The following PLEC variants were observed in gnomAD, a reference collection of about 807,000 sequenced individuals.
The protein encoded by PLEC is plectin, also known as hemidesmosomal protein 1.
A neutral mutation model predicts 392.8 loss-of-function variants in PLEC; 216 were observed. That is an observed-to-expected ratio of 0.55 (90% CI 0.49 to 0.62). PLEC has a LOEUF of 0.62. Among genes scored for constraint, PLEC ranks in the 20% least tolerant of loss-of-function variants. The probability of loss-of-function intolerance (pLI) is 0.00; values close to 1 mark genes in which losing one functional copy is unlikely to be tolerated. For missense variants in PLEC, 6,863 were observed against 6,563.4 expected, an observed-to-expected ratio of 1.05 and a Z score of -1.58; for synonymous variants, 3,621 against 2,980.6, an observed-to-expected ratio of 1.21 and a Z score of -7.00.
At chr8:143,926,645 C>A (rs1160197570) in intron 30 of PLEC, 139 bp downstream of exon 30, 2 of 785,774 alleles carry the variant, frequency 2.5e-6, no homozygotes, top group East Asian at 2.5e-5. Context: ...GAGCTGGGGG[C>A]AGGGGGTGCT....
chr8:143,952,823 G>A (rs1344709420), upstream of PLEC, among the ~76,000 whole-genome samples: 2 of 152,090 alleles, frequency 1.3e-5, no homozygotes, highest in African/African-American at 4.8e-5. Context: ...GGGCAGGAAA[G>A]GGCGGTAGCT....
At position 143,916,119 on chromosome 8, in the gene PLEC, C is replaced by T. The variant is rs1395836481; in HGVS notation, c.*58G>A. The T allele has an allele frequency of 2.6e-5, 35 of 1,358,346 alleles. No individual in the cohort carries two copies. The highest frequency in any genetic ancestry group is 8.8e-5 in the South Asian group (6 of 67,890). 84.1% of individuals were successfully genotyped at this position (1,358,346 alleles called of 1,614,324 possible). On this transcript the variant is annotated 3_prime_UTR_variant, in exon 32 of 32. Transcript: ENST00000345136. ...ACCTTTAAGCGTTGAAAACGGCCCC[C>T]GCGCCTCGGTGGGAGCCGGGCTGGG...
intron 1 of PLEC, among the ~76,000 whole-genome samples, chr8:143,959,957 C>T (rs1216895537): frequency 2.7e-5 from 4 of 150,808 alleles, no homozygotes; most frequent in Admixed American, 1.3e-4. Flanking sequence ...CCAGCTTGGG[C>T]GACAGAGTGA....
intron 3 of PLEC, chr8:143,937,623 C>T: frequency 2.0e-6 from 1 of 503,220 alleles, no homozygotes; most frequent in Non-Finnish European, 3.8e-6. Context: ...CAGCTTGACA[C>T]CCAACCACCT....
chr8:143,940,766 A>AGG (rs2132394191), upstream of PLEC, among the ~76,000 whole-genome samples: 2 of 152,194 alleles, frequency 1.3e-5, no homozygotes, highest in South Asian at 4.2e-4. Flanking sequence ...GGGCACCAGA[A>AGG]CCCTCACAAT....
Position 143,921,022 on chromosome 8 carries a change from G to T in PLEC, c.8799C>A (p.Phe2933Leu). 1 of 1,613,056 alleles carries T rather than the reference G, an allele frequency of 6.2e-7. No individual in the cohort carries two copies. Among genetic ancestry groups the T allele is most frequent in the Non-Finnish European group, 8.5e-7 (1 of 1,180,034 alleles). ...TIWEIINSEY[F>L]TAEQRRDLLR... ...GCAGGTCCCGCCGCTGCTCTGCCGT[G>T]AAGTATTCCGAGTTGATGATCTCCC... The change falls in exon 32 of 32, where the codon TTC becomes TTA. Residue 2933 changes from phenylalanine (F) to leucine (L), a missense_variant. Phe to Leu is a conservative substitution (Grantham distance 22, BLOSUM62 0). Coordinates refer to ENST00000345136, the MANE Select transcript of PLEC (RefSeq NM_201384.3).
In PLEC at chr8:143,917,652, C is replaced by A; in HGVS notation, c.12169G>T (p.Glu4057Ter). ...IATGGIIDPE[E>*]SHRLPVEVAY... is the part of the protein sequence containing the mutation. ...ACCTCCACGGGCAGCCGGTGGCTCTCCTCAGGGTCGATGATGCCGCCCGTG... is the reference window on the plus strand; with the variant it reads ...ACCTCCACGGGCAGCCGGTGGCTCTACTCAGGGTCGATGATGCCGCCCGTG... Residue 4057 changes from glutamate (E) to a stop codon, truncating the protein, a stop_gained, in exon 32 of 32, where the codon GAG becomes TAG. Coordinates refer to ENST00000345136, the MANE Select transcript of PLEC (RefSeq NM_201384.3). LOFTEE classifies it high-confidence loss of function. 6.2e-7 allele frequency: 1 copy of A among 1,613,682 alleles called. No individual in the cohort carries two copies. Among genetic ancestry groups the A allele is most frequent in the Non-Finnish European group, 8.5e-7 (1 of 1,180,022 alleles).
chr8:143,973,381 G>A lies in PLEC; in HGVS notation c.70+22C>T. 1 of 1,559,068 alleles carries A rather than the reference G, an allele frequency of 6.4e-7. No individual in the cohort carries two copies. Among genetic ancestry groups the A allele is most frequent in the South Asian group, 1.2e-5 (1 of 84,948 alleles). ...TGGGCTGTCAGGAGCGGCCCGACAG[G>A]CAGCGGGACGGGGGGCCGTACCTTT... On this transcript the variant is annotated intron_variant, in intron 1 of 31. Transcript: ENST00000356346. This position sits in a 1 kb window ranked among gnomAD's most constrained non-coding sequence, Gnocchi z 5.6.
At position 143,932,177 on chromosome 8, in the gene PLEC, C is replaced by T. The variant is rs1554716477; in HGVS notation, c.2035G>A (p.Gly679Arg). 1.2e-6 allele frequency: 2 copies of T among 1,612,180 alleles called. No individual in the cohort carries two copies. The highest frequency in any genetic ancestry group is 2.7e-5 in the African/African-American group (2 of 74,916). ...EKKIKELQNA[G>R]DRLLREDHPA... The stretch of plus-strand genomic sequence containing the variant: ...TGGTCCTCCCGCAGCAGCCGGTCCC[C>T]AGCATTTTGGAGCTCCTTGATCTTC... The change falls in exon 17 of 32, where the codon GGG (glycine) becomes AGG (arginine). Residue 679 changes from glycine (G) to arginine (R), a missense_variant. By Grantham distance (125) the Gly-to-Arg change is moderately radical. Coordinates refer to ENST00000345136, the MANE Select transcript of PLEC (RefSeq NM_201384.3).
At chr8:143,946,611 T>G (rs1345022716) in intron 1 of PLEC, 2 of 312,808 alleles carry the variant, frequency 6.4e-6, no homozygotes, top group South Asian at 2.4e-5. Context: ...GGGACTGGCC[T>G]GCCTGCAATC....
At chr8:143,957,287 G>A (rs1187876643), upstream of PLEC, among the ~76,000 whole-genome samples, 8 of 152,192 alleles carry the variant, frequency 5.3e-5, no homozygotes, top group Non-Finnish European at 1.0e-4. Flanking sequence ...CCAATTCATG[G>A]ATCACAAAGG....
chr8:143,952,211 C>T (rs1832248444), upstream of PLEC, among the ~76,000 whole-genome samples: 1 of 83,480 alleles, frequency 1.2e-5, no homozygotes, highest in Non-Finnish European at 2.3e-5. Flanking sequence ...CACACACACG[C>T]GCGCACACAC....
At position 143,933,427 on chromosome 8, in the gene PLEC, A is replaced by G. The variant is rs1828004334; in HGVS notation, c.1264-76T>C. 19 of 1,571,742 alleles carry G rather than the reference A, an allele frequency of 1.2e-5. No individual in the cohort carries two copies. The South Asian group carries it at 2.0e-4, about 16-fold the overall frequency. On this transcript the variant is annotated intron_variant, in intron 12 of 31. Coordinates refer to ENST00000345136, the MANE Select transcript of PLEC (RefSeq NM_201384.3). ...CACAGGGGCCCCGGCCAAGACGGCC[A>G]CCCTCAGCCGCTTCCTCAGCCTCAG...
In PLEC at chr8:143,931,558, C is replaced by T. The variant is rs1554715335; in HGVS notation, c.2280G>A (p.Leu760=). ...SCDRSATVTR[L]EDLLQDAQDE... is the part of the protein sequence containing the mutation. ...CCTGGGCATCCTGCAGCAGGTCCTC[C>T]AGCCGGGTGACGGTGGCGGAGCGAT... The change falls in exon 19 of 32, where the codon CTG becomes CTA. Residue 760 remains leucine, a synonymous_variant. Transcript: ENST00000345136. 6.3e-7 allele frequency: 1 copy of T among 1,594,698 alleles called. No individual in the cohort carries two copies. Among genetic ancestry groups the T allele is most frequent in the African/African-American group, 1.3e-5 (1 of 74,730 alleles).
At position 143,935,910 on chromosome 8, in the gene PLEC, G is replaced by T; in HGVS notation, c.540C>A (p.Cys180Ter). 1.2e-6 allele frequency: 2 copies of T among 1,612,954 alleles called. No individual in the cohort carries two copies. The highest frequency in any genetic ancestry group is 1.7e-6 in the Non-Finnish European group (2 of 1,179,978). Residue 180 changes from cysteine (C) to a stop codon, truncating the protein, a stop_gained, in exon 6 of 32, where the codon TGC (cysteine) becomes TGA (stop). Coordinates refer to ENST00000345136, the MANE Select transcript of PLEC (RefSeq NM_201384.3). LOFTEE classifies it high-confidence loss of function. The stretch of plus-strand genomic sequence containing the variant: ...CTCTCCAGCTGGAGGTGAAGTTGTC[G>T]CATCGCAGGCCCTGGTACCCCTCCA... ...RMVEGYQGLR[C>*]DNFTSSWRDG...
rs782720210 is a variant in PLEC, at chr8:143,916,475, G to A, written c.13346C>T (p.Ala4449Val). The A allele has an allele frequency of 2.4e-5, 38 of 1,611,836 alleles. No homozygotes were observed. The highest frequency in any genetic ancestry group is 1.6e-4 in the Middle Eastern group (1 of 6,082). ...KTKLKISYKD[A>V]LDRSMVEEGT... ...CTCCTCCACCATGCTGCGGTCCAGC[G>A]CGTCCTTATAGGAGATCTTGAGCTT... The change falls in exon 32 of 32, where the codon GCG becomes GTG. Residue 4449 changes from alanine (A) to valine (V), a missense_variant. Transcript: ENST00000345136.
At chr8:143,936,919 A>G in intron 5 of PLEC, 60 bp downstream of exon 5, 4 of 1,311,936 alleles carry the variant, frequency 3.0e-6, no homozygotes, top group South Asian at 2.4e-5. Flanking sequence ...CCAGCCAAGG[A>G]GCCCAGGCTA....
In PLEC at chr8:143,925,669, C is replaced by T. The variant is rs543403531; in HGVS notation, c.4260G>A (p.Glu1420=). The T allele has an allele frequency of 4.1e-5, 65 of 1,590,494 alleles. No homozygotes were observed. The East Asian group carries it at 1.2e-3, about 30-fold the overall frequency. ...AGCTCTGCCGCAGCTGCTGCAGCTC[C>T]TCCTGAATGCTGCGCTTCTGCTGCT... is the stretch of plus-strand genomic sequence containing the variant. ...DAQQQKRSIQ[E]ELQQLRQSSE... The change falls in exon 31 of 32, where the codon GAG becomes GAA. Residue 1420 remains glutamate, a synonymous_variant. Coordinates refer to ENST00000345136, the MANE Select transcript of PLEC (RefSeq NM_201384.3).
At chr8:143,940,331 G>A (rs1317500301), upstream of PLEC, among the ~76,000 whole-genome samples, 2 of 152,222 alleles carry the variant, frequency 1.3e-5, no homozygotes. Flanking sequence ...TGGGGGAATG[G>A]AGCATCGGGA....
Sources: allele counts gnomAD v4.1 joint callset (sites outside exome capture counted in the v4.1 genomes callset), GRCh38; gene constraint gnomAD v4.1.1; non-coding constraint Gnocchi (gnomAD v3.1); transcripts MANE v1.5; gene names NCBI Gene and HGNC (gene_info 2026-07-23, HGNC 2026-07-21).